Variants in ZNF366 observed in about 807,000 individuals in gnomAD.
ZNF366 encodes the protein dendritic cell-specific transcript protein.
In ZNF366, 20 loss-of-function variants were observed where a neutral mutation model predicts 47.2. The observed-to-expected ratio is 0.42, with a 90% CI of 0.30 to 0.62. The LOEUF (loss-of-function observed/expected upper bound fraction) is 0.62, where lower values mean the gene tolerates loss of function less well. Ranked by LOEUF, ZNF366 falls within the 20% of genes least tolerant of loss-of-function variation. ZNF366 has a pLI of 0.16. For missense variants in ZNF366, 987 were observed against 976.3 expected (o/e 1.01, Z -0.15); for synonymous variants, 421 against 395.1 (o/e 1.07, Z -0.78).
intron 1 of ZNF366, among the ~76,000 whole-genome samples, chr5:72,492,804 C>T (rs1280364380): frequency 6.6e-6 from 1 of 152,316 alleles, no homozygotes; most frequent in African/African-American, 2.4e-5. Flanking sequence ...CATCGCTTCT[C>T]TTCTCCCATT....
rs760978011 is a variant in ZNF366 at position 72,447,235 on chromosome 5, G to A, written c.1699+8C>T. On this transcript the variant is annotated splice_region_variant and intron_variant, in intron 4 of 4. Transcript: ENST00000318442. ...CTGACTTGCAGGGCTTCCCAGAAGA[G>A]TGATTACCTTGGGAATGAAGGCCCC... 2 of 1,613,998 alleles carry A rather than the reference G, an allele frequency of 1.2e-6. No homozygotes were observed. Among genetic ancestry groups the A allele is most frequent in the Admixed American group, 3.3e-5 (2 of 60,012 alleles).
intron 1 of ZNF366, chr5:72,472,575 A>G (rs775878220): frequency 8.6e-5 from 85 of 985,252 alleles, no homozygotes; most frequent in Non-Finnish European, 9.8e-5. Context: ...GCCAGTAAGT[A>G]TAAGTCCAAA....
chr5:72,501,663 C>T (rs2112358717), intron 1 of ZNF366, among the ~76,000 whole-genome samples: 1 of 152,326 alleles, frequency 6.6e-6, no homozygotes, highest in South Asian at 2.1e-4. Flanking sequence ...GATTCACAGC[C>T]TTTGCCTATA....
At chr5:72,477,265 A>G (rs1743693739) in intron 1 of ZNF366, among the ~76,000 whole-genome samples, 1 of 152,246 alleles carries the variant, frequency 6.6e-6, no homozygotes, top group African/African-American at 2.4e-5. Flanking sequence ...AAAATGCCTC[A>G]TTCAATTCCT....
At chr5:72,455,713 C>T (rs751924165) in intron 3 of ZNF366, among the ~76,000 whole-genome samples, 1 of 152,168 alleles carries the variant, frequency 6.6e-6, no homozygotes, top group Non-Finnish European at 1.5e-5. Context: ...AAATACAAAC[C>T]CAACCAAATT....
chr5:72,473,634 G>A (rs936489942), intron 1 of ZNF366, among the ~76,000 whole-genome samples: 9 of 152,008 alleles, frequency 5.9e-5, no homozygotes, highest in Non-Finnish European at 1.3e-4. Flanking sequence ...CATTCTTCCC[G>A]GCTGAACTTA....
intron 1 of ZNF366, among the ~76,000 whole-genome samples, chr5:72,468,043 TTAAAA>T (rs1743470900): frequency 1.3e-5 from 2 of 152,354 alleles, no homozygotes; most frequent in South Asian, 4.1e-4. Flanking sequence ...TTTTTAAGTC[TTAAAA>T]TGAAATGTTC....
intron 1 of ZNF366, chr5:72,494,321 T>C (rs1744070977): frequency 6.6e-6 from 1 of 152,236 alleles, no homozygotes; most frequent in South Asian, 2.1e-4. Flanking sequence ...AGAGCTGTTA[T>C]TTCTTCAAAG....
chr5:72,471,190 G>A (rs1296714026), intron 1 of ZNF366, among the ~76,000 whole-genome samples: 1 of 152,194 alleles, frequency 6.6e-6, no homozygotes, highest in Non-Finnish European at 1.5e-5. Context: ...CTCATGGGCA[G>A]ATGGGTCTGT....
At chr5:72,484,427 T>C (rs1051868933) in intron 1 of ZNF366, among the ~76,000 whole-genome samples, 1 of 144,722 alleles carries the variant, frequency 6.9e-6, no homozygotes, top group African/African-American at 2.5e-5. Context: ...GAGCTTGCAG[T>C]GAGCCGAGAT....
intron 1 of ZNF366, among the ~76,000 whole-genome samples, chr5:72,470,713 C>T (rs1048389404): frequency 9.2e-5 from 14 of 152,242 alleles, no homozygotes; most frequent in East Asian, 3.9e-4. Context: ...TTTCCATTTC[C>T]GGAAGACAGG....
intron 1 of ZNF366, among the ~76,000 whole-genome samples, chr5:72,466,358 T>C (rs1199821466): frequency 2.0e-5 from 3 of 152,104 alleles, no homozygotes; most frequent in Non-Finnish European, 4.4e-5. Flanking sequence ...GAATGGGGAG[T>C]TGAAGCAAAG....
chr5:72,443,775 G>T lies in ZNF366; in HGVS notation c.2216C>A (p.Ala739Glu), dbSNP rs13188519. The change falls in exon 5 of 5, where the codon GCA (alanine) becomes GAA (glutamate). Residue 739 changes from alanine (A) to glutamate (E), a missense_variant. Ala to Glu is a moderately radical substitution (Grantham distance 107). Transcript: ENST00000318442. ...ELLERKMEKQ[A>E]VLLGI ...GTCCACTTAGATACCTAAAAGCACT[G>T]CTTGTTTTTCCATTTTCCTCTCCAG... is the stretch of plus-strand genomic sequence containing the variant. The T allele has an allele frequency of 3.0e-5, 49 of 1,613,032 alleles. No individual in the cohort carries two copies. In the East Asian group the frequency reaches 4.7e-4, roughly 15 times the overall value.
At chr5:72,474,368 A>G (rs1373781751) in intron 1 of ZNF366, among the ~76,000 whole-genome samples, 1 of 151,752 alleles carries the variant, frequency 6.6e-6, no homozygotes, top group Non-Finnish European at 1.5e-5. Context: ...GAGAAAGGAC[A>G]GGGGAGGGGG....
intron 2 of ZNF366, among the ~76,000 whole-genome samples, chr5:72,458,240 T>C (rs2112325600): frequency 6.6e-6 from 1 of 152,154 alleles, no homozygotes; most frequent in South Asian, 2.1e-4. Flanking sequence ...ATGGTCTCGA[T>C]CTCCTGACCT....
At chr5:72,471,140 C>A (rs1246209688) in intron 1 of ZNF366, among the ~76,000 whole-genome samples, 2 of 152,216 alleles carry the variant, frequency 1.3e-5, no homozygotes, top group Admixed American at 1.3e-4. Context: ...CCCCGTGACT[C>A]TCCATGCAAA....
intron 1 of ZNF366, among the ~76,000 whole-genome samples, chr5:72,500,504 C>G (rs1002652786): frequency 1.3e-5 from 2 of 152,098 alleles, no homozygotes; most frequent in Non-Finnish European, 2.9e-5. Flanking sequence ...TACCCTCGCC[C>G]TTTCTGAGAG....
rs1458068332 is a variant in ZNF366 at position 72,440,280 on chromosome 5, T to C, written c.*3476A>G. On this transcript the variant is annotated 3_prime_UTR_variant, in exon 5 of 5. Coordinates refer to ENST00000318442, the MANE Select transcript of ZNF366 (RefSeq NM_152625.3). Reference sequence around the variant, plus strand: ...TATACCAGTTACTCTTGTGGGTTTATGAAAGGTCAGCCTTAGTCTCATGGC... The same window carrying C: ...TATACCAGTTACTCTTGTGGGTTTACGAAAGGTCAGCCTTAGTCTCATGGC... 3 of 152,250 alleles carry C rather than the reference T, an allele frequency of 2.0e-5. No individual in the cohort carries two copies. Among genetic ancestry groups the C allele is most frequent in the African/African-American group, 7.2e-5 (3 of 41,472 alleles). 9.4% of individuals were successfully genotyped at this position (152,250 alleles called of 1,614,324 possible).
chr5:72,466,206 T>A lies in ZNF366; in HGVS notation c.-14-4696A>T, dbSNP rs190363606. ...AGGTGAACCACGCTCAAAAAGGCTA[T>A]GGATAAGGCTAGGGTGAGTTTATTC... On this transcript the variant is annotated intron_variant, in intron 1 of 4. Transcript: ENST00000318442. 2.3e-3 allele frequency among the ~76,000 whole-genome samples: 344 copies of A among 151,906 alleles called. 2 individuals carry two copies. The highest frequency in any genetic ancestry group is 8.1e-3 in the African/African-American group (336 of 41,522).
Sources: allele counts gnomAD v4.1 joint callset (sites outside exome capture counted in the v4.1 genomes callset), GRCh38; gene constraint gnomAD v4.1.1; transcripts MANE v1.5; gene names NCBI Gene and HGNC (gene_info 2026-07-23, HGNC 2026-07-21).